Variants in CAND1 observed in about 807,000 individuals in gnomAD.
CAND1 encodes cullin-associated NEDD8-dissociated protein 1.
A neutral mutation model predicts 108.5 loss-of-function variants in CAND1; 7 were observed. The observed-to-expected ratio is 0.06, with a 90% CI of 0.04 to 0.12. The LOEUF (loss-of-function observed/expected upper bound fraction) is 0.12, where lower values mean the gene tolerates loss of function less well. CAND1 is among the 10% of genes least tolerant of loss of function. The probability of loss-of-function intolerance (pLI) is 1.00; values close to 1 mark genes in which losing one functional copy is unlikely to be tolerated. For synonymous variants in CAND1, 534 were observed against 512.0 expected (o/e 1.04, Z -0.58); for missense variants, 941 against 1,448.7 (o/e 0.65, Z 5.69).
At chr12:67,269,965 G>C (rs996553165) in intron 1 of CAND1, 180 bp downstream of exon 1, 5 of 554,180 alleles carry the variant, frequency 9.0e-6, no homozygotes, top group Non-Finnish European at 1.3e-5. Flanking sequence ...CTCCCCTCTT[G>C]CAACCCCCTC....
At chr12:67,295,811 A>G (rs2044763598) in intron 4 of CAND1, among the ~76,000 whole-genome samples, 1 of 152,184 alleles carries the variant, frequency 6.6e-6, no homozygotes, top group South Asian at 2.1e-4. Flanking sequence ...GTGAGGAGCT[A>G]TCATCCTGGC....
intron 1 of CAND1, among the ~76,000 whole-genome samples, chr12:67,278,147 T>G (rs2044587054): frequency 6.6e-6 from 1 of 152,160 alleles, no homozygotes; most frequent in South Asian, 2.1e-4. Context: ...TACTCTTTAT[T>G]TATTTTTGAG....
chr12:67,306,152 A>T lies in CAND1; in HGVS notation c.2484A>T (p.Ser828=), dbSNP rs201730536. Residue 828 remains serine, a synonymous_variant, in exon 10 of 15, where the codon TCA becomes TCT. Coordinates refer to ENST00000545606, the MANE Select transcript of CAND1 (RefSeq NM_018448.5). The part of the protein sequence containing the change: ...VGQFIQDVKN[S]RSTDSIRLLA... ...AGTTTATTCAAGATGTCAAGAACTC[A>T]AGGTCTACAGATTCCATTCGTCTCT... The T allele has an allele frequency of 6.2e-7, 1 of 1,614,094 alleles. No homozygotes were observed. The highest frequency in any genetic ancestry group is 1.3e-5 in the African/African-American group (1 of 75,030).
At chr12:67,309,778 C>G (rs2044929360) in intron 11 of CAND1, 123 bp from the exon 12 acceptor site, 1 of 655,662 alleles carries the variant, frequency 1.5e-6, no homozygotes, top group Non-Finnish European at 2.5e-6. Context: ...TCTTCCCTGA[C>G]CGTCACTGAA....
At chr12:67,277,046 G>T (rs2044576478) in intron 1 of CAND1, among the ~76,000 whole-genome samples, 1 of 152,118 alleles carries the variant, frequency 6.6e-6, no homozygotes, top group South Asian at 2.1e-4. Flanking sequence ...TTAAGACTCT[G>T]GACAAGGATA....
At position 67,313,428 on chromosome 12, in the gene CAND1, GA is replaced by G. The variant is rs2044974749; in HGVS notation, c.*599del. ...CCTGTTGCGCACACTAATTTTGCAT[GA>G]GTAAGTTTACAAATATGTATCGTCT... On this transcript the variant is annotated 3_prime_UTR_variant, in exon 15 of 15. Transcript: ENST00000545606. 6.6e-6 allele frequency: 1 copy of G among 152,562 alleles called. No homozygotes were observed. Among genetic ancestry groups the G allele is most frequent in the Non-Finnish European group, 1.5e-5 (1 of 68,020 alleles). The allele number at this position is 152,562 out of a possible 1,614,324, so 9.5% of individuals were successfully genotyped here.
intron 8 of CAND1, 147 bp from the exon 9 acceptor site, chr12:67,304,458 T>G: frequency 1.4e-6 from 1 of 721,522 alleles, no homozygotes; most frequent in Non-Finnish European, 2.3e-6. Context: ...CTTGATCTTG[T>G]GTTAGCAATA....
intron 2 of CAND1, among the ~76,000 whole-genome samples, chr12:67,290,936 G>A (rs778083323): frequency 7.9e-5 from 12 of 152,280 alleles, no homozygotes; most frequent in Non-Finnish European, 1.3e-4. Flanking sequence ...AACTGTGTGT[G>A]CAAGGCATCT....
At chr12:67,289,608 C>T (rs1215509120) in intron 2 of CAND1, among the ~76,000 whole-genome samples, 1 of 152,114 alleles carries the variant, frequency 6.6e-6, no homozygotes, top group Non-Finnish European at 1.5e-5. Context: ...GCTGGGCAAG[C>T]TCAAGGAGCC....
chr12:67,279,512 T>C (rs1255546886), intron 1 of CAND1, among the ~76,000 whole-genome samples: 1 of 152,240 alleles, frequency 6.6e-6, no homozygotes, highest in African/African-American at 2.4e-5. Context: ...TAAAAGCAAC[T>C]CTTGGTATTA....
chr12:67,307,863 A>G (rs1309607068), intron 11 of CAND1, among the ~76,000 whole-genome samples: 1 of 151,874 alleles, frequency 6.6e-6, no homozygotes, highest in Non-Finnish European at 1.5e-5. Context: ...TTGAGCTATT[A>G]AGGCCTCAAA....
chr12:67,282,743 A>G (rs2044631513), intron 2 of CAND1, among the ~76,000 whole-genome samples: 1 of 152,202 alleles, frequency 6.6e-6, no homozygotes, highest in Non-Finnish European at 1.5e-5. Flanking sequence ...CAGTTAAACC[A>G]TAGTTAACTC....
At chr12:67,273,885 A>T (rs1365249386) in intron 1 of CAND1, among the ~76,000 whole-genome samples, 1 of 152,224 alleles carries the variant, frequency 6.6e-6, no homozygotes, top group Non-Finnish European at 1.5e-5. Flanking sequence ...GTTAATATTA[A>T]TGCTTACTGT....
At chr12:67,299,859 GA>G (rs1416558078) in intron 7 of CAND1, among the ~76,000 whole-genome samples, 2 of 152,018 alleles carry the variant, frequency 1.3e-5, no homozygotes, top group African/African-American at 4.8e-5. Flanking sequence ...TGTTATTTTT[GA>G]GAATACTTTT....
At chr12:67,301,696 C>T (rs2044826131) in intron 7 of CAND1, among the ~76,000 whole-genome samples, 1 of 152,102 alleles carries the variant, frequency 6.6e-6, no homozygotes, top group South Asian at 2.1e-4. Context: ...TGTTAAAGTA[C>T]ATTAAGACAA....
intron 8 of CAND1, among the ~76,000 whole-genome samples, chr12:67,303,811 G>A (rs2044849869): frequency 6.6e-6 from 1 of 151,918 alleles, no homozygotes; most frequent in East Asian, 1.9e-4. Flanking sequence ...TTTGAAGTGA[G>A]GTTGATTCCT....
chr12:67,298,968 T>C lies in CAND1; in HGVS notation c.873T>C (p.Tyr291=). Residue 291 remains tyrosine (Y), a synonymous_variant, in exon 7 of 15, where the codon TAT becomes TAC. Coordinates refer to ENST00000545606, the MANE Select transcript of CAND1 (RefSeq NM_018448.5). ...SFVRRCPKEV[Y]PHVSTIINIC... ...TCTTTAGATGTCCTAAGGAAGTATA[T>C]CCTCATGTTTCTACCATTATAAATA... The C allele has an allele frequency of 1.3e-6, 2 of 1,532,322 alleles. No homozygotes were observed. Among genetic ancestry groups the C allele is most frequent in the South Asian group, 2.3e-5 (2 of 88,424 alleles). The allele number at this position is 1,532,322 out of a possible 1,614,324, so 94.9% of individuals were successfully genotyped here. A position where few individuals can be genotyped will look rare whatever the true frequency, so the allele number is the denominator to read the frequency against.
chr12:67,292,877 C>A, intron 3 of CAND1, 101 bp downstream of exon 3: 2 of 1,060,044 alleles, frequency 1.9e-6, no homozygotes, highest in Non-Finnish European at 1.4e-6. Context: ...AGGTGGCTGT[C>A]CTTACAGATG....
At position 67,304,727 on chromosome 12, in the gene CAND1, C is replaced by T. The variant is rs748256793; in HGVS notation, c.1416C>T (p.His472=). ...TATTACCTGGGGCCCTAACTCAACA[C>T]ATTCCTGTACTTGTACCAGGTATGA... is the stretch of plus-strand genomic sequence containing the variant. ...VNVLPGALTQ[H]IPVLVPGIIF... Residue 472 remains histidine (H), a synonymous_variant, in exon 9 of 15, where the codon CAC becomes CAT. Coordinates refer to ENST00000545606, the MANE Select transcript of CAND1 (RefSeq NM_018448.5). The T allele has an allele frequency of 1.9e-6, 3 of 1,613,668 alleles. No homozygotes were observed. The highest frequency in any genetic ancestry group is 8.5e-7 in the Non-Finnish European group (1 of 1,179,848).
Sources: gnomAD v4.1 joint callset for allele counts (sites outside exome capture counted in the v4.1 genomes callset) on GRCh38, gnomAD v4.1.1 for gene constraint, MANE v1.5 for transcripts, NCBI Gene and HGNC (gene_info 2026-07-23, HGNC 2026-07-21) for gene names.